MACO1: variants seen among roughly 807,000 people sequenced by gnomAD.
The protein encoded by MACO1 is macoilin 1, also known as macoilin.
In MACO1, 14 loss-of-function variants were observed where a neutral mutation model predicts 78.7. That is an observed-to-expected ratio of 0.18 (90% CI 0.12 to 0.28). The LOEUF (loss-of-function observed/expected upper bound fraction) is 0.28. Among genes scored for constraint, MACO1 ranks in the 10% least tolerant of loss-of-function variants. The probability of loss-of-function intolerance (pLI) is 1.00; values close to 1 mark genes in which losing one functional copy is unlikely to be tolerated. For synonymous variants in MACO1, 288 were observed against 291.6 expected, an observed-to-expected ratio of 0.99 and a Z score of 0.12; for missense variants, 501 against 799.0, an observed-to-expected ratio of 0.63 and a Z score of 4.50.
chr1:25,440,511 G>A (rs1316493517), intron 1 of MACO1, among the ~76,000 whole-genome samples: 1 of 151,980 alleles, frequency 6.6e-6, no homozygotes, highest in Admixed American at 6.6e-5. Context: ...GCTCACGCCT[G>A]TAATCCCAGC....
At chr1:25,436,312 A>G (rs1015640522) in intron 1 of MACO1, among the ~76,000 whole-genome samples, 12 of 96,140 alleles carry the variant, frequency 1.2e-4, no homozygotes, top group African/African-American at 6.0e-4. Context: ...TTATGTATAT[A>G]AAGTGCACTT....
intron 3 of MACO1, among the ~76,000 whole-genome samples, chr1:25,449,647 C>T (rs1375059319): frequency 2.6e-5 from 4 of 152,068 alleles, no homozygotes; most frequent in African/African-American, 7.2e-5. Flanking sequence ...TGGACTAAGC[C>T]ACAGCTTGCT....
At chr1:25,440,143 T>G (rs1164286833) in intron 1 of MACO1, among the ~76,000 whole-genome samples, 2 of 151,446 alleles carry the variant, frequency 1.3e-5, no homozygotes, top group Admixed American at 1.3e-4. Flanking sequence ...GTCCCAACAC[T>G]TTGGGAGGTC....
chr1:25,464,668 C>CA (rs71577772), intron 6 of MACO1, among the ~76,000 whole-genome samples: 57,797 of 139,072 alleles, frequency 0.42, 13,460 homozygotes, highest in East Asian at 0.74. Flanking sequence ...CCACCCCCCC[C>CA]CTCCGCGAAA....
At chr1:25,465,601 G>A (rs2043211623) in intron 6 of MACO1, among the ~76,000 whole-genome samples, 1 of 152,018 alleles carries the variant, frequency 6.6e-6, no homozygotes, top group East Asian at 1.9e-4. Flanking sequence ...TTTTTGGTGA[G>A]GTGTCTGTTA....
chr1:25,456,143 A>C (rs2043117996), intron 4 of MACO1, among the ~76,000 whole-genome samples: 1 of 151,960 alleles, frequency 6.6e-6, no homozygotes, highest in Admixed American at 6.6e-5. Context: ...CTGTAGTCCC[A>C]GCTACTCAGG....
In MACO1 at chr1:25,458,395, C is replaced by G. The variant is rs751559935; in HGVS notation, c.657C>G (p.Ala219=). ...QKQEKEAEEA[A]KGLPDMDSSI... ...GGTTTGTTTTTGGTATTGTAGCAGC[C>G]AAAGGATTACCTGATATGGATTCTT... The change falls in exon 6 of 11, where the codon GCC becomes GCG. Residue 219 remains alanine, a synonymous_variant. Transcript: ENST00000374343. 75 of 1,573,904 alleles carry G rather than the reference C, an allele frequency of 4.8e-5. No homozygotes were observed. Among genetic ancestry groups the G allele is most frequent in the Non-Finnish European group, 6.3e-5 (74 of 1,165,682 alleles).
At chr1:25,471,738 A>G (rs1355728386) in intron 6 of MACO1, among the ~76,000 whole-genome samples, 3 of 152,256 alleles carry the variant, frequency 2.0e-5, no homozygotes, top group African/African-American at 4.8e-5. Context: ...TGAATATCAC[A>G]TTAGACCCAA....
intron 6 of MACO1, 96 bp downstream of exon 6, chr1:25,458,988 C>A: frequency 6.9e-7 from 1 of 1,443,940 alleles, no homozygotes; most frequent in Non-Finnish European, 9.3e-7. Flanking sequence ...TGTTTGTAAT[C>A]AGATATTGTG....
chr1:25,454,468 G>A (rs189679525), intron 4 of MACO1, 86 bp downstream of exon 4: 21,718 of 145,212 alleles, frequency 0.15, 2,749 homozygotes, highest in African/African-American at 0.3. Flanking sequence ...GTGTGTGTGT[G>A]TGTATATATA....
chr1:25,456,013 A>G (rs1196355255), intron 4 of MACO1, among the ~76,000 whole-genome samples: 1 of 152,080 alleles, frequency 6.6e-6, no homozygotes, highest in Non-Finnish European at 1.5e-5. Flanking sequence ...TAATCCCAGC[A>G]CTTTGGGAGG....
chr1:25,447,626 C>G (rs2043027615), intron 2 of MACO1, among the ~76,000 whole-genome samples: 1 of 152,178 alleles, frequency 6.6e-6, no homozygotes, highest in Non-Finnish European at 1.5e-5. Context: ...CTTCTGAAGT[C>G]AGTCTGTTAC....
chr1:25,463,157 C>T (rs565528801), intron 6 of MACO1, among the ~76,000 whole-genome samples: 1 of 152,306 alleles, frequency 6.6e-6, no homozygotes, highest in African/African-American at 2.4e-5. Flanking sequence ...GAAGCTGGTT[C>T]TCTTCATTTT....
chr1:25,440,724 C>T (rs1284604063), intron 1 of MACO1, among the ~76,000 whole-genome samples: 5 of 146,046 alleles, frequency 3.4e-5, no homozygotes, highest in Admixed American at 6.9e-5. Context: ...GCCAAGATTG[C>T]GCCATTGCAC....
Position 25,489,185 on chromosome 1 carries a change from C to T in MACO1, c.1509C>T (p.Thr503=), listed in dbSNP as rs139079663. The change falls in exon 9 of 11, where the codon ACC becomes ACT. Residue 503 remains threonine, a synonymous_variant. Transcript: ENST00000374343. The part of the protein sequence containing the change: ...AFAAASRGEC[T]ETLRNRIREL... ...TCTTTTTCAAAAGGGGAGAATGCACCGAAACCTTACGGAATCGGATCAGAG... is the reference window on the plus strand; with the variant it reads ...TCTTTTTCAAAAGGGGAGAATGCACTGAAACCTTACGGAATCGGATCAGAG... The T allele has an allele frequency of 1.6e-3, 2,515 of 1,613,622 alleles. 6 individuals are homozygous for T. The highest frequency in any genetic ancestry group is 3.3e-3 in the Middle Eastern group (20 of 6,060).
chr1:25,458,429 A>T lies in MACO1; in HGVS notation c.691A>T (p.Ile231Leu). 1 of 1,609,842 alleles carries T rather than the reference A, an allele frequency of 6.2e-7. No homozygotes were observed. Among genetic ancestry groups the T allele is most frequent in the Non-Finnish European group, 8.5e-7 (1 of 1,178,926 alleles). ...ACCTGATATGGATTCTTCGATCCTT[A>T]TACACCACAATGGAGGTATCCCAGC... is the stretch of plus-strand genomic sequence containing the variant. Reference protein sequence around the residue: ...GLPDMDSSILIHHNGGIPANK... With the variant: ...GLPDMDSSILLHHNGGIPANK... The change falls in exon 6 of 11, where the codon ATA (isoleucine) becomes TTA (leucine). Residue 231 changes from isoleucine to leucine, a missense_variant. Coordinates refer to ENST00000374343, the MANE Select transcript of MACO1 (RefSeq NM_018202.6).
At chr1:25,443,110 C>T (rs1306109994) in intron 1 of MACO1, among the ~76,000 whole-genome samples, 2 of 152,170 alleles carry the variant, frequency 1.3e-5, no homozygotes, top group East Asian at 3.8e-4. Flanking sequence ...AATGTCATCT[C>T]TTTAGATTTG....
Position 25,498,523 on chromosome 1 carries a change from C to A in MACO1, c.*57C>A. 4 of 1,444,578 alleles carry A rather than the reference C, an allele frequency of 2.8e-6. No individual in the cohort carries two copies. In the South Asian group the frequency reaches 4.0e-5, roughly 14 times the overall value. 89.5% of individuals were successfully genotyped at this position (1,444,578 alleles called of 1,614,324 possible). A position where few individuals can be genotyped will look rare whatever the true frequency, so the allele number is the denominator to read the frequency against. On this transcript the variant is annotated 3_prime_UTR_variant, in exon 11 of 11. Transcript: ENST00000374343. ...GTTACCGGAAGGCATTGCAAAGGAGCGTCTCTGGCAGTCAAGATAAAAAAA... is the reference window on the plus strand; with the variant it reads ...GTTACCGGAAGGCATTGCAAAGGAGAGTCTCTGGCAGTCAAGATAAAAAAA...
intron 10 of MACO1, among the ~76,000 whole-genome samples, chr1:25,497,108 C>T (rs892560889): frequency 7.2e-5 from 11 of 151,990 alleles, no homozygotes; most frequent in Admixed American, 3.3e-4. Context: ...AGACCGGGCG[C>T]GGTGGCTCAC....
Sources: gnomAD v4.1 joint callset for allele counts (sites outside exome capture counted in the v4.1 genomes callset) on GRCh38, gnomAD v4.1.1 for gene constraint, MANE v1.5 for transcripts, NCBI Gene and HGNC (gene_info 2026-07-23, HGNC 2026-07-21) for gene names.